KCNT2: variants seen among roughly 807,000 people sequenced by gnomAD.
KCNT2 encodes the protein potassium sodium-activated channel subfamily T member 2, also known as potassium channel subfamily T member 2.
KCNT2 carries 67 observed loss-of-function variants against 153.8 expected under a neutral mutation model. The ratio of observed to expected loss-of-function variants is 0.44; its 90% CI spans 0.36 to 0.53. KCNT2 has a LOEUF of 0.53. KCNT2 is among the 20% of genes least tolerant of loss of function. KCNT2 has a pLI of 0.00. For synonymous variants in KCNT2, 500 were observed against 458.8 expected, an observed-to-expected ratio of 1.09 and a Z score of -1.15; for missense variants, 975 against 1,354.8, an observed-to-expected ratio of 0.72 and a Z score of 4.40.
intron 19 of KCNT2, among the ~76,000 whole-genome samples, chr1:196,322,950 G>GA (rs890520869): frequency 1.1e-4 from 17 of 151,698 alleles, no homozygotes; most frequent in African/African-American, 2.9e-4. Context: ...ATTGGCAGAA[G>GA]AAAAAAATGA....
At chr1:196,455,800 G>A (rs1231858156) in intron 8 of KCNT2, among the ~76,000 whole-genome samples, 1 of 151,934 alleles carries the variant, frequency 6.6e-6, no homozygotes, top group Non-Finnish European at 1.5e-5. Flanking sequence ...TGCTCCTGGG[G>A]GCCAGCAGTA....
chr1:196,518,372 G>A (rs900316214), intron 1 of KCNT2, among the ~76,000 whole-genome samples: 4 of 151,420 alleles, frequency 2.6e-5, no homozygotes, highest in Non-Finnish European at 5.9e-5. Context: ...CATAATAACT[G>A]GTTAAAAACA....
rs1254131755 is a variant in KCNT2 at position 196,588,316 on chromosome 1, CT to C, written c.95+19898del. On this transcript the variant is annotated intron_variant, in intron 1 of 27. Coordinates refer to ENST00000294725, the MANE Select transcript of KCNT2 (RefSeq NM_198503.5). ...AACATTTAAAGCAAAAGCTGTTGCCCTAATGCCCCAGGTGCAGTACACAACA... is the reference window on the plus strand; with the variant it reads ...AACATTTAAAGCAAAAGCTGTTGCCCAATGCCCCAGGTGCAGTACACAACA... Among the ~76,000 whole-genome samples the C allele has an allele frequency of 2.6e-5, 4 of 151,462 alleles. No individual in the cohort carries two copies. In the South Asian group the frequency reaches 8.3e-4, roughly 32 times the overall value.
intron 16 of KCNT2, among the ~76,000 whole-genome samples, chr1:196,336,456 A>G (rs1665043006): frequency 6.6e-6 from 1 of 152,086 alleles, no homozygotes; most frequent in Admixed American, 6.6e-5. Flanking sequence ...TACTTAAATT[A>G]AGTTCCATGG....
chr1:196,400,630 A>G (rs1234004343), intron 12 of KCNT2, among the ~76,000 whole-genome samples: 1 of 135,038 alleles, frequency 7.4e-6, no homozygotes, highest in Non-Finnish European at 1.8e-5. Flanking sequence ...ATAAAGAACA[A>G]AAATGAATTT....
chr1:196,577,397 G>C (rs1661492873), intron 1 of KCNT2, among the ~76,000 whole-genome samples: 1 of 152,132 alleles, frequency 6.6e-6, no homozygotes. Context: ...AAAAACAGAT[G>C]AAGCCTGACA....
rs146810804 is a variant in KCNT2 at position 196,375,282 on chromosome 1, C to T, written c.1295-2034G>A. On this transcript the variant is annotated intron_variant, in intron 13 of 27. Transcript: ENST00000294725. ...TGTATTTGCATGTGTCTTTTTTCTACATTTGGTAAAAGTTTTACAGTGTCT... is the reference window on the plus strand; with the variant it reads ...TGTATTTGCATGTGTCTTTTTTCTATATTTGGTAAAAGTTTTACAGTGTCT... Among the ~76,000 whole-genome samples, 170 of 151,826 alleles carry T rather than the reference C, an allele frequency of 1.1e-3. 1 individual carries two copies. The highest frequency in any genetic ancestry group is 2.1e-3 in the Admixed American group (32 of 15,194).
chr1:196,443,639 A>G (rs1432373847), intron 8 of KCNT2, among the ~76,000 whole-genome samples: 2 of 151,582 alleles, frequency 1.3e-5, no homozygotes, highest in African/African-American at 4.8e-5. Flanking sequence ...GTTAAATGGA[A>G]ACAGGTTTGA....
chr1:196,419,728 T>C (rs563830893), intron 12 of KCNT2, among the ~76,000 whole-genome samples: 20 of 152,174 alleles, frequency 1.3e-4, no homozygotes, highest in Non-Finnish European at 2.5e-4. Flanking sequence ...TCTTCTGCCA[T>C]TACTGATGAG....
chr1:196,419,468 A>G (rs1320348770), intron 12 of KCNT2, among the ~76,000 whole-genome samples: 1 of 151,332 alleles, frequency 6.6e-6, no homozygotes, highest in Admixed American at 6.6e-5. Context: ...TTTGCTGAGA[A>G]TGATGGTTTC....
At chr1:196,341,565 C>T (rs1221459545) in intron 15 of KCNT2, among the ~76,000 whole-genome samples, 1 of 151,408 alleles carries the variant, frequency 6.6e-6, no homozygotes, top group African/African-American at 2.4e-5. Flanking sequence ...TCATTATATA[C>T]ATACATTTTT....
At chr1:196,249,872 A>G (rs1655797720) in intron 26 of KCNT2, among the ~76,000 whole-genome samples, 2 of 152,136 alleles carry the variant, frequency 1.3e-5, no homozygotes. Context: ...AATAAAATTA[A>G]ATACCTAGGA....
intron 1 of KCNT2, among the ~76,000 whole-genome samples, chr1:196,579,222 G>A (rs1188267331): frequency 1.3e-5 from 2 of 151,994 alleles, no homozygotes; most frequent in Non-Finnish European, 2.9e-5. Flanking sequence ...ATAACGCAGG[G>A]ACAGAAAACC....
chr1:196,280,347 A>G (rs1658979690), intron 25 of KCNT2, among the ~76,000 whole-genome samples: 1 of 152,240 alleles, frequency 6.6e-6, no homozygotes, highest in African/African-American at 2.4e-5. Flanking sequence ...CTTTGGGAAG[A>G]TCTGACACTA....
intron 27 of KCNT2, among the ~76,000 whole-genome samples, chr1:196,235,595 A>G (rs545466579): frequency 2.0e-4 from 31 of 151,450 alleles, no homozygotes; most frequent in African/African-American, 7.2e-4. Flanking sequence ...TTAGTCCCAT[A>G]GAACTTTTTC....
chr1:196,430,556 A>G (rs1674063054), intron 8 of KCNT2, among the ~76,000 whole-genome samples: 1 of 152,038 alleles, frequency 6.6e-6, no homozygotes, highest in Admixed American at 6.6e-5. Context: ...CAAACGCAAT[A>G]TAAGCCGATA....
intron 1 of KCNT2, among the ~76,000 whole-genome samples, chr1:196,564,356 C>T (rs557136836): frequency 7.5e-4 from 114 of 151,742 alleles, no homozygotes; most frequent in Non-Finnish European, 1.3e-3. Context: ...ATTGAAGAAA[C>T]AAATAAACAG....
intron 1 of KCNT2, among the ~76,000 whole-genome samples, chr1:196,573,791 A>T (rs1661041162): frequency 6.6e-6 from 1 of 152,056 alleles, no homozygotes; most frequent in Admixed American, 6.6e-5. Flanking sequence ...AATGGAAGAG[A>T]TATAAAATGT....
intron 1 of KCNT2, among the ~76,000 whole-genome samples, chr1:196,503,096 ATTTAGGCCTG>A (rs1558015821): frequency 2.0e-5 from 3 of 151,968 alleles, no homozygotes; most frequent in Non-Finnish European, 2.9e-5. Context: ...AATATACAGA[ATTTAGGCCTG>A]TAATAAATTA....
Sources: gnomAD v4.1 joint callset for allele counts (sites outside exome capture counted in the v4.1 genomes callset) on GRCh38, gnomAD v4.1.1 for gene constraint, MANE v1.5 for transcripts, NCBI Gene and HGNC (gene_info 2026-07-23, HGNC 2026-07-21) for gene names.